Variants in TBCE observed in about 807,000 individuals in gnomAD.
TBCE encodes tubulin-specific chaperone E.
TBCE carries 53 observed loss-of-function variants against 77.0 expected under a neutral mutation model. The observed-to-expected ratio is 0.69, with a 90% CI of 0.55 to 0.87. The LOEUF is 0.87. Ranked by LOEUF, TBCE falls within the 40% of genes least tolerant of loss-of-function variation. The pLI is 0.00. For missense variants in TBCE, 624 were observed against 622.4 expected (o/e 1.00, Z -0.03); for synonymous variants, 235 against 241.3 (o/e 0.97, Z 0.24).
At chr1:235,425,966 A>C (rs1410828023) in intron 5 of TBCE, among the ~76,000 whole-genome samples, 1 of 152,014 alleles carries the variant, frequency 6.6e-6, no homozygotes, top group Non-Finnish European at 1.5e-5. Context: ...CCTGTGACAC[A>C]CTGTTGAGGC....
At chr1:235,393,240 A>T (rs1025917195) in intron 2 of TBCE, among the ~76,000 whole-genome samples, 21 of 152,182 alleles carry the variant, frequency 1.4e-4, no homozygotes, top group Admixed American at 2.6e-4. Flanking sequence ...GAGATATTTT[A>T]AAAAATAGTA....
intron 1 of TBCE, among the ~76,000 whole-genome samples, chr1:235,367,735 G>A (rs936379120): frequency 1.2e-4 from 19 of 152,168 alleles, no homozygotes; most frequent in African/African-American, 4.1e-4. Context: ...AGCATTTTAA[G>A]CTTCTCTCAG....
chr1:235,403,654 G>A (rs2102861490), intron 3 of TBCE, among the ~76,000 whole-genome samples: 1 of 152,318 alleles, frequency 6.6e-6, no homozygotes, highest in East Asian at 1.9e-4. Context: ...GAAAAATCAA[G>A]AATTGCTTCA....
At chr1:235,441,354 G>C in intron 13 of TBCE, 1 of 235,218 alleles carries the variant, frequency 4.3e-6, no homozygotes, top group Non-Finnish European at 8.4e-6. Flanking sequence ...TGGTGGAAAC[G>C]TGAGAAGTGT....
In TBCE at chr1:235,442,832, T is replaced by C. The variant is rs1681986641; in HGVS notation, c.1340-20T>C. The C allele has an allele frequency of 6.2e-7, 1 of 1,612,724 alleles. No individual in the cohort carries two copies. Among genetic ancestry groups the C allele is most frequent in the Non-Finnish European group, 8.5e-7 (1 of 1,178,996 alleles). On this transcript the variant is annotated intron_variant, in intron 14 of 16. Coordinates refer to ENST00000642610, the MANE Select transcript of TBCE (RefSeq NM_003193.5). ...ATAATAGTAGATATCAATTAGTCTT[T>C]TTCTTTGTTTCTCTTAAAGCACTGA...
intron 2 of TBCE, among the ~76,000 whole-genome samples, chr1:235,387,567 A>G (rs1019449588): frequency 6.6e-6 from 1 of 152,178 alleles, no homozygotes; most frequent in South Asian, 2.1e-4. Context: ...TGTGCTAGCA[A>G]TCAGTGAGAC....
chr1:235,450,600 G>A lies in TBCE; in HGVS notation c.*1838G>A, dbSNP rs1682839339. 7.3e-6 allele frequency: 3 copies of A among 412,512 alleles called. No individual in the cohort carries two copies. Among genetic ancestry groups the A allele is most frequent in the South Asian group, 3.0e-5 (1 of 33,350 alleles). The allele number at this position is 412,512 out of a possible 1,614,324, so 25.6% of individuals were successfully genotyped here. A position where few individuals can be genotyped will look rare whatever the true frequency, so the allele number is the denominator to read the frequency against. ...AGAGTTAGTCAACAAATGCCATTCC[G>A]TAATGAACGATTTTAGAAACCACAA... On this transcript the variant is annotated 3_prime_UTR_variant, in exon 17 of 17. Coordinates refer to ENST00000642610, the MANE Select transcript of TBCE (RefSeq NM_003193.5).
rs549528799 is a variant in TBCE, at chr1:235,424,289, C to G, written c.461-2851C>G. On this transcript the variant is annotated intron_variant, in intron 5 of 16. Transcript: ENST00000642610. ...GCAGCAGTGCGGGTGGTGGCTGTCA[C>G]TGCTGCTGTTGTTATTACTGGATCT... Among the ~76,000 whole-genome samples, 81 of 150,768 alleles carry G rather than the reference C, an allele frequency of 5.4e-4. 2 individuals are homozygous for G. In the South Asian group the frequency reaches 0.016, roughly 31 times the overall value.
At chr1:235,434,349 A>T in intron 8 of TBCE, 69 bp downstream of exon 8, 7 of 1,337,760 alleles carry the variant, frequency 5.2e-6, no homozygotes, top group South Asian at 4.7e-5. Flanking sequence ...AATGGTCTCA[A>T]TTATATCTAA....
At chr1:235,443,955 TCTC>T (rs964885085) in intron 15 of TBCE, among the ~76,000 whole-genome samples, 13 of 152,208 alleles carry the variant, frequency 8.5e-5, no homozygotes, top group African/African-American at 2.9e-4. Flanking sequence ...TACTGTGAAT[TCTC>T]AAGATTAAAC....
chr1:235,393,545 G>C (rs1184813973), intron 2 of TBCE, among the ~76,000 whole-genome samples: 2 of 151,652 alleles, frequency 1.3e-5, no homozygotes, highest in African/African-American at 4.8e-5. Context: ...AAAAAAAATA[G>C]TATTTATTGA....
chr1:235,394,232 G>T (rs1678586878), intron 2 of TBCE, among the ~76,000 whole-genome samples: 1 of 151,540 alleles, frequency 6.6e-6, no homozygotes, highest in Non-Finnish European at 1.5e-5. Context: ...CCACCACTAC[G>T]CCCAGCTACT....
intron 11 of TBCE, 125 bp from the exon 12 acceptor site, chr1:235,437,197 G>A (rs1481990559): frequency 3.6e-6 from 4 of 1,124,428 alleles, no homozygotes; most frequent in Non-Finnish European, 5.3e-6. Flanking sequence ...GGATTGCTTA[G>A]TGCATGATGA....
chr1:235,430,534 G>C, intron 6 of TBCE, 171 bp from the exon 7 acceptor site: 3 of 543,244 alleles, frequency 5.5e-6, no homozygotes, highest in Non-Finnish European at 9.9e-6. Flanking sequence ...AAATTAGGTA[G>C]TCTTGATTCA....
chr1:235,401,855 T>C (rs536447403), intron 3 of TBCE, among the ~76,000 whole-genome samples: 23 of 133,040 alleles, frequency 1.7e-4, no homozygotes, highest in African/African-American at 5.4e-4. Context: ...TTTTTAACAG[T>C]CCTTTAAATT....
intron 11 of TBCE, 100 bp from the exon 12 acceptor site, chr1:235,437,222 G>T: frequency 1.4e-6 from 2 of 1,453,604 alleles, no homozygotes; most frequent in South Asian, 1.2e-5. Flanking sequence ...CCCTGCCTCA[G>T]ATTAGAACTA....
chr1:235,422,958 G>A (rs572173128), intron 5 of TBCE, among the ~76,000 whole-genome samples: 1 of 152,310 alleles, frequency 6.6e-6, no homozygotes, highest in South Asian at 2.1e-4. Flanking sequence ...GGAGAAAAAT[G>A]TCCCCCAGGA....
Position 235,414,571 on chromosome 1 carries a change from T to A in TBCE, c.324T>A (p.Asn108Lys). The part of the protein sequence containing the change: ...DRKEQIVTIG[N>K]KPVETIGFDS... ...AAGAGCAAATTGTTACAATTGGAAA[T>A]AAACCTGTGGAGACTATCGGTTTTG... The change falls in exon 4 of 17, where the codon AAT (asparagine) becomes AAA (lysine). Residue 108 changes from asparagine (N) to lysine (K), a missense_variant. Transcript: ENST00000642610. The A allele has an allele frequency of 6.2e-7, 1 of 1,613,892 alleles. No individual in the cohort carries two copies. Among genetic ancestry groups the A allele is most frequent in the Non-Finnish European group, 8.5e-7 (1 of 1,180,000 alleles).
intron 13 of TBCE, among the ~76,000 whole-genome samples, chr1:235,440,257 A>C (rs11805162): frequency 6.6e-6 from 1 of 152,150 alleles, no homozygotes; most frequent in Non-Finnish European, 1.5e-5. Context: ...GGCGTGAGCC[A>C]CCGCGCCCAG....
Sources: allele counts gnomAD v4.1 joint callset (sites outside exome capture counted in the v4.1 genomes callset), GRCh38; gene constraint gnomAD v4.1.1; transcripts MANE v1.5; gene names NCBI Gene and HGNC (gene_info 2026-07-23, HGNC 2026-07-21).